Variants in DNAH7 observed in about 807,000 individuals in gnomAD.
DNAH7 encodes the protein axonemal beta dynein heavy chain 7.
In DNAH7, 397 loss-of-function variants were observed where a neutral mutation model predicts 444.6. That is an observed-to-expected ratio of 0.89 (90% CI 0.82 to 0.97). DNAH7 has a LOEUF of 0.97. Among genes scored for constraint, DNAH7 ranks in the 50% least tolerant of loss-of-function variants. The pLI is 0.00. For missense variants in DNAH7, 4,902 were observed against 4,800.8 expected (o/e 1.02, Z -0.62); for synonymous variants, 1,636 against 1,624.4 (o/e 1.01, Z -0.17).
intron 13 of DNAH7, among the ~76,000 whole-genome samples, chr2:195,987,417 A>G (rs370264711): frequency 2.0e-5 from 3 of 152,144 alleles, no homozygotes; most frequent in Non-Finnish European, 4.4e-5. Context: ...AAGCCAATTC[A>G]ATCTCAGGAC....
At chr2:196,028,104 A>T (rs1483817749) in intron 5 of DNAH7, 57 bp from the exon 6 acceptor site, 2 of 1,361,632 alleles carry the variant, frequency 1.5e-6, no homozygotes, top group Admixed American at 3.8e-5. Context: ...TAGAACATAA[A>T]ACAATGGATA....
intron 57 of DNAH7, among the ~76,000 whole-genome samples, chr2:195,791,375 GAAAA>G (rs545585624): frequency 2.0e-5 from 2 of 101,574 alleles, no homozygotes; most frequent in Admixed American, 1.0e-4. Flanking sequence ...GCTGAAGCAG[GAAAA>G]AAAAAAAAAA....
At chr2:195,920,110 A>G (rs907412540) in intron 24 of DNAH7, among the ~76,000 whole-genome samples, 6 of 152,210 alleles carry the variant, frequency 3.9e-5, no homozygotes, top group Non-Finnish European at 8.8e-5. Flanking sequence ...TCATGGATCA[A>G]TATTGTGATA....
At chr2:195,918,960 AAGATTTTGGGCC>A (rs1384763198) in intron 24 of DNAH7, among the ~76,000 whole-genome samples, 1 of 152,146 alleles carries the variant, frequency 6.6e-6, no homozygotes, top group African/African-American at 2.4e-5. Context: ...ACACTAATGA[AAGATTTTGGGCC>A]AGGCGCAGTG....
At position 195,906,763 on chromosome 2, in the gene DNAH7, G is replaced by A. The variant is rs763687631; in HGVS notation, c.4231C>T (p.Leu1411=). The change falls in exon 27 of 65, where the codon CTG becomes TTG. Residue 1411 remains leucine, a synonymous_variant. Coordinates refer to ENST00000312428, the MANE Select transcript of DNAH7 (RefSeq NM_018897.3). ...TTTAGTTCAGTTCCTTCAAACATCAGTATATCAGCACCTGCATTAATACCT... is the reference window on the plus strand; with the variant it reads ...TTTAGTTCAGTTCCTTCAAACATCAATATATCAGCACCTGCATTAATACCT... The part of the protein sequence containing the change: ...QRGINAGADI[L]MFEGTELKLD... 6.2e-7 allele frequency: 1 copy of A among 1,613,280 alleles called. No homozygotes were observed. The highest frequency in any genetic ancestry group is 8.5e-7 in the Non-Finnish European group (1 of 1,179,540).
chr2:195,961,897 A>G (rs72917240), intron 17 of DNAH7, among the ~76,000 whole-genome samples: 14,053 of 152,082 alleles, frequency 0.092, 716 homozygotes, highest in African/African-American at 0.13. Flanking sequence ...AATTTAACTA[A>G]TTTTTCAATA....
chr2:195,781,641 A>T (rs1472154844), intron 58 of DNAH7, among the ~76,000 whole-genome samples: 2 of 150,762 alleles, frequency 1.3e-5, no homozygotes, highest in African/African-American at 4.9e-5. Flanking sequence ...ATGGTTATAT[A>T]AGAAGTTCGT....
chr2:196,066,112 A>C (rs1698415076), intron 1 of DNAH7, among the ~76,000 whole-genome samples: 1 of 152,172 alleles, frequency 6.6e-6, no homozygotes, highest in South Asian at 2.1e-4. Context: ...TTTTGTTTTT[A>C]CTTCACTGAT....
At chr2:195,753,352 C>G (rs568864057) in intron 63 of DNAH7, among the ~76,000 whole-genome samples, 2 of 152,210 alleles carry the variant, frequency 1.3e-5, no homozygotes, top group South Asian at 4.1e-4. Context: ...CATAGTGTTA[C>G]AAACCATCTT....
At chr2:195,933,630 T>G (rs548459050) in intron 21 of DNAH7, among the ~76,000 whole-genome samples, 50 of 151,814 alleles carry the variant, frequency 3.3e-4, no homozygotes, top group Non-Finnish European at 5.6e-4. Context: ...ACCATCATTC[T>G]CAGCAAACTA....
chr2:195,960,953 GA>G lies in DNAH7; in HGVS notation c.2206-9del. ...AGCATTAAACTGCTCAATCTGAAAG[GA>G]TAAGTATTGAATATATTAGTTATTT... On this transcript the variant is annotated splice_polypyrimidine_tract_variant and intron_variant, in intron 17 of 64. Coordinates refer to ENST00000312428, the MANE Select transcript of DNAH7 (RefSeq NM_018897.3). 6.4e-7 allele frequency: 1 copy of G among 1,554,360 alleles called. No homozygotes were observed. Among genetic ancestry groups the G allele is most frequent in the South Asian group, 1.2e-5 (1 of 81,292 alleles).
At chr2:195,936,549 A>T in intron 20 of DNAH7, 50 bp downstream of exon 20, 1 of 1,302,616 alleles carries the variant, frequency 7.7e-7, no homozygotes, top group Non-Finnish European at 1.1e-6. Flanking sequence ...TCTAAAAATT[A>T]AGTTTAAGCA....
rs1271985641 is a variant in DNAH7 at position 195,796,655 on chromosome 2, A to T, written c.10436T>A (p.Val3479Asp). 1 of 1,614,176 alleles carries T rather than the reference A, an allele frequency of 6.2e-7. No homozygotes were observed. Among genetic ancestry groups the T allele is most frequent in the Non-Finnish European group, 8.5e-7 (1 of 1,180,002 alleles). ...PIAMKMLEKA[V>D]KEGTWVVLQN... ...AAGAACAACCCATGTTCCTTCCTTG[A>T]CAGCTTTTTCTAACATCTTCATAGC... The change falls in exon 56 of 65, where the codon GTC (valine) becomes GAC (aspartate). Residue 3479 changes from valine (V) to aspartate (D), a missense_variant. Physicochemically the swap from Val to Asp is radical, Grantham distance 152. Coordinates refer to ENST00000312428, the MANE Select transcript of DNAH7 (RefSeq NM_018897.3).
chr2:195,935,544 T>TG (rs1002417957), intron 20 of DNAH7, among the ~76,000 whole-genome samples: 1 of 152,052 alleles, frequency 6.6e-6, no homozygotes, highest in Non-Finnish European at 1.5e-5. Flanking sequence ...GAATCAGCAG[T>TG]GGGAAAAAAA....
intron 2 of DNAH7, among the ~76,000 whole-genome samples, chr2:196,056,881 C>T (rs1002986294): frequency 6.6e-6 from 1 of 152,206 alleles, no homozygotes; most frequent in African/African-American, 2.4e-5. Flanking sequence ...TCCATTTGCT[C>T]TTTCATTGTT....
At chr2:195,894,770 A>C in intron 30 of DNAH7, 1 of 384,112 alleles carries the variant, frequency 2.6e-6, no homozygotes, top group Non-Finnish European at 4.5e-6. Context: ...AAGAAATAAA[A>C]GGTCGAAAGC....
chr2:195,858,917 G>A, intron 42 of DNAH7, 113 bp from the exon 43 acceptor site: 10 of 804,338 alleles, frequency 1.2e-5, no homozygotes, highest in South Asian at 6.2e-5. Context: ...ACTACGGAGT[G>A]GTCTAAAAGA....
chr2:196,007,493 A>T (rs1343114047), intron 10 of DNAH7, among the ~76,000 whole-genome samples: 1 of 152,212 alleles, frequency 6.6e-6, no homozygotes, highest in Non-Finnish European at 1.5e-5. Flanking sequence ...TCTGTTTACC[A>T]CACAGGAAAA....
intron 36 of DNAH7, among the ~76,000 whole-genome samples, chr2:195,877,018 GTC>G (rs1701102848): frequency 6.6e-6 from 1 of 152,070 alleles, no homozygotes; most frequent in Admixed American, 6.5e-5. Flanking sequence ...ACTGCCATTT[GTC>G]TCTCTCTAGA....
Sources: gnomAD v4.1 joint callset for allele counts (sites outside exome capture counted in the v4.1 genomes callset) on GRCh38, gnomAD v4.1.1 for gene constraint, MANE v1.5 for transcripts, NCBI Gene and HGNC (gene_info 2026-07-23, HGNC 2026-07-21) for gene names.